Variants in CSMD3 observed in about 807,000 individuals in gnomAD.
CSMD3 encodes the protein CUB and Sushi multiple domains 3, also known as CUB and sushi domain-containing protein 3.
A neutral mutation model predicts 435.2 loss-of-function variants in CSMD3; 177 were observed. That is an observed-to-expected ratio of 0.41 (90% CI 0.36 to 0.46). CSMD3 has a LOEUF of 0.46. Ranked by LOEUF, CSMD3 falls within the 20% of genes least tolerant of loss-of-function variation. CSMD3 has a pLI of 0.34. For missense variants in CSMD3, 4,265 were observed against 4,504.6 expected, an observed-to-expected ratio of 0.95 and a Z score of 1.52; for synonymous variants, 1,656 against 1,520.5, an observed-to-expected ratio of 1.09 and a Z score of -2.07.
chr8:113,077,522 C>A (rs976345400), intron 5 of CSMD3, among the ~76,000 whole-genome samples: 1 of 151,756 alleles, frequency 6.6e-6, no homozygotes, highest in Non-Finnish European at 1.5e-5. Context: ...ATCAACATGG[C>A]GAAACCCCAT....
intron 24 of CSMD3, among the ~76,000 whole-genome samples, chr8:112,569,287 G>A (rs1829308409): frequency 6.6e-6 from 1 of 152,096 alleles, no homozygotes; most frequent in African/African-American, 2.4e-5. Context: ...AAAGACAGGA[G>A]CAAAATCCTT....
At chr8:113,309,249 C>A (rs1379323564) in intron 2 of CSMD3, 3 of 151,982 alleles carry the variant, frequency 2.0e-5, no homozygotes, top group Non-Finnish European at 2.9e-5. Flanking sequence ...CAACTTTTAT[C>A]TTGGATTCAG....
intron 17 of CSMD3, 52 bp downstream of exon 17, chr8:112,666,225 C>G (rs2075521237): frequency 1.5e-6 from 2 of 1,353,754 alleles, no homozygotes; most frequent in South Asian, 1.2e-5. Context: ...AGAATGTCAA[C>G]TAATCTTTTA....
intron 7 of CSMD3, among the ~76,000 whole-genome samples, chr8:112,957,632 A>G (rs1229932801): frequency 6.6e-6 from 1 of 151,830 alleles, no homozygotes; most frequent in African/African-American, 2.4e-5. Flanking sequence ...CGTAGTTATA[A>G]TAGAGACGGA....
intron 31 of CSMD3, among the ~76,000 whole-genome samples, chr8:112,492,177 A>G (rs2130850075): frequency 6.6e-6 from 1 of 152,208 alleles, no homozygotes; most frequent in South Asian, 2.1e-4. Context: ...ATATTTTCTG[A>G]GCACCTAACG....
chr8:113,019,934 C>T (rs1367523169), intron 5 of CSMD3, among the ~76,000 whole-genome samples: 3 of 151,592 alleles, frequency 2.0e-5, no homozygotes, highest in Non-Finnish European at 4.4e-5. Flanking sequence ...GAGGCCGAGG[C>T]GGGTGGATCA....
chr8:112,690,202 T>C, intron 13 of CSMD3, 152 bp from the exon 14 acceptor site: 1 of 633,832 alleles, frequency 1.6e-6, no homozygotes, highest in Admixed American at 2.9e-5. Flanking sequence ...TGGCCATTCT[T>C]ACAGGCATGA....
At chr8:113,185,718 G>C (rs2092489258) in intron 3 of CSMD3, among the ~76,000 whole-genome samples, 1 of 151,740 alleles carries the variant, frequency 6.6e-6, no homozygotes, top group Non-Finnish European at 1.5e-5. Flanking sequence ...TGTATATTTT[G>C]GTGTGTGTGT....
rs73342281 is a variant in CSMD3, at chr8:113,142,262, C to T, written c.709+31460G>A. 3.0e-3 allele frequency among the ~76,000 whole-genome samples: 450 copies of T among 151,202 alleles called. 3 individuals carry two copies. The highest frequency in any genetic ancestry group is 1.0e-2 in the African/African-American group (414 of 41,414). On this transcript the variant is annotated intron_variant, in intron 4 of 70. Coordinates refer to ENST00000297405, the MANE Select transcript of CSMD3 (RefSeq NM_198123.2). ...AACATGTTTTTATTATAGACATAGACAAACTTAATCTAAAATTTATATGAA... is the reference window on the plus strand; with the variant it reads ...AACATGTTTTTATTATAGACATAGATAAACTTAATCTAAAATTTATATGAA...
chr8:112,236,048 T>C lies in CSMD3; in HGVS notation c.10627+1142A>G, dbSNP rs180824888. On this transcript the variant is annotated intron_variant, in intron 67 of 70. Transcript: ENST00000297405. ...AAAGTTTCTTTCGATTAATATAAGG[T>C]AATTATATGTATTTTTAAAATTATA... Among the ~76,000 whole-genome samples the C allele has an allele frequency of 1.1e-3, 165 of 152,060 alleles. 1 individual carries two copies. Among genetic ancestry groups the C allele is most frequent in the African/African-American group, 3.7e-3 (153 of 41,572 alleles).
In CSMD3 at chr8:112,289,543, A is replaced by G; in HGVS notation, c.8975-5T>C. On this transcript the variant is annotated splice_polypyrimidine_tract_variant and splice_region_variant and intron_variant, in intron 56 of 70. Transcript: ENST00000297405. ...CAGGGTGTCCACAGTCAATCACTAC[A>G]ATACATAATTATTAAATATAAAATT... 3 of 1,583,654 alleles carry G rather than the reference A, an allele frequency of 1.9e-6. No individual in the cohort carries two copies. Among genetic ancestry groups the G allele is most frequent in the Non-Finnish European group, 2.6e-6 (3 of 1,160,096 alleles).
chr8:112,658,580 T>C (rs908811226), intron 17 of CSMD3, among the ~76,000 whole-genome samples: 7 of 152,184 alleles, frequency 4.6e-5, no homozygotes, highest in Admixed American at 3.9e-4. Context: ...TGTATGTGTT[T>C]CATAAATGTT....
intron 19 of CSMD3, among the ~76,000 whole-genome samples, chr8:112,649,633 C>A (rs1586887777): frequency 6.6e-6 from 1 of 152,130 alleles, no homozygotes; most frequent in Non-Finnish European, 1.5e-5. Context: ...CTGACTTATT[C>A]TCATAGAAAC....
At chr8:112,497,126 C>T (rs928820907) in intron 30 of CSMD3, among the ~76,000 whole-genome samples, 1 of 151,664 alleles carries the variant, frequency 6.6e-6, no homozygotes, top group African/African-American at 2.4e-5. Flanking sequence ...GAAAACTTTT[C>T]GTGTTTTTAC....
chr8:112,281,418 T>C (rs779682363), intron 58 of CSMD3, 68 bp from the exon 59 acceptor site: 15 of 1,231,192 alleles, frequency 1.2e-5, no homozygotes, highest in Non-Finnish European at 1.5e-5. Context: ...AAAAAGTTAA[T>C]GACTAAACGA....
At chr8:113,153,109 G>GA (rs770213903) in intron 4 of CSMD3, among the ~76,000 whole-genome samples, 6 of 99,590 alleles carry the variant, frequency 6.0e-5, no homozygotes, top group African/African-American at 1.8e-4. Context: ...AGAAAAGAAA[G>GA]AAAGAAAGAA....
At chr8:112,719,760 T>C (rs1474708649) in intron 13 of CSMD3, among the ~76,000 whole-genome samples, 1 of 152,124 alleles carries the variant, frequency 6.6e-6, no homozygotes, top group African/African-American at 2.4e-5. Context: ...GAAAAAGCTA[T>C]TGGCAAAGAG....
chr8:113,296,291 TATAATA>T (rs4027872), intron 2 of CSMD3, among the ~76,000 whole-genome samples: 24 of 146,268 alleles, frequency 1.6e-4, no homozygotes, highest in Non-Finnish European at 2.3e-4. Context: ...GAACTTAAAG[TATAATA>T]ATAATAATAA....
At chr8:112,370,183 T>C (rs1026089250) in intron 38 of CSMD3, among the ~76,000 whole-genome samples, 1 of 152,152 alleles carries the variant, frequency 6.6e-6, no homozygotes, top group Non-Finnish European at 1.5e-5. Context: ...CAGATAAACA[T>C]AATCATTGTT....
Sources: gnomAD v4.1 joint callset for allele counts (sites outside exome capture counted in the v4.1 genomes callset) on GRCh38, gnomAD v4.1.1 for gene constraint, MANE v1.5 for transcripts, NCBI Gene and HGNC (gene_info 2026-07-23, HGNC 2026-07-21) for gene names.